Variants in OXR1 observed in about 807,000 individuals in gnomAD.
OXR1 encodes the protein oxidation resistance protein 1.
A neutral mutation model predicts 104.6 loss-of-function variants in OXR1; 41 were observed. The ratio of observed to expected loss-of-function variants is 0.39; its 90% CI spans 0.31 to 0.51. The LOEUF (loss-of-function observed/expected upper bound fraction) is 0.51, where lower values mean the gene tolerates loss of function less well. Among genes scored for constraint, OXR1 ranks in the 20% least tolerant of loss-of-function variants. The pLI is 0.77. For synonymous variants in OXR1, 348 were observed against 348.4 expected, an observed-to-expected ratio of 1.00 and a Z score of 0.01; for missense variants, 955 against 1,031.9, an observed-to-expected ratio of 0.93 and a Z score of 1.02.
intron 3 of OXR1, among the ~76,000 whole-genome samples, chr8:106,607,513 C>CA (rs1820490848): frequency 6.6e-6 from 1 of 152,216 alleles, no homozygotes; most frequent in Non-Finnish European, 1.5e-5. Context: ...GGACTACAGG[C>CA]AAAGCCTCAG....
At chr8:106,742,368 C>A in intron 15 of OXR1, 51 bp downstream of exon 15, 1 of 996,508 alleles carries the variant, frequency 1.0e-6, no homozygotes, top group Non-Finnish European at 1.6e-6. Context: ...ACATAACATA[C>A]TGCCCAAAGC....
intron 3 of OXR1, among the ~76,000 whole-genome samples, chr8:106,614,262 T>C (rs917965471): frequency 2.6e-5 from 4 of 152,238 alleles, no homozygotes; most frequent in Non-Finnish European, 5.9e-5. Context: ...GTTCTAATTA[T>C]ATTCTCAAGC....
intron 2 of OXR1, among the ~76,000 whole-genome samples, chr8:106,379,299 C>A (rs543841007): frequency 6.6e-6 from 1 of 152,014 alleles, no homozygotes. Context: ...GGTGTGAGTG[C>A]CAAAAATAAT....
chr8:106,282,716 T>C (rs1248055892), intron 1 of OXR1, among the ~76,000 whole-genome samples: 1 of 151,990 alleles, frequency 6.6e-6, no homozygotes, highest in Admixed American at 6.6e-5. Flanking sequence ...TCACACAGAG[T>C]AGGCTGAGAA....
chr8:106,484,462 T>C (rs911162224), intron 2 of OXR1, among the ~76,000 whole-genome samples: 1 of 151,958 alleles, frequency 6.6e-6, no homozygotes, highest in Non-Finnish European at 1.5e-5. Flanking sequence ...TAAAATCTTT[T>C]AAGAAAGCAA....
At chr8:106,339,518 AAATATATAT>A (rs1445691466) in intron 1 of OXR1, among the ~76,000 whole-genome samples, 247 of 24,320 alleles carry the variant, frequency 0.01, 21 homozygotes, top group East Asian at 0.02. Flanking sequence ...AAAAAAAAAA[AAATATATAT>A]ATATATATAT....
chr8:106,486,255 AATAAAAT>A (rs1344436501), intron 2 of OXR1, among the ~76,000 whole-genome samples: 2 of 152,068 alleles, frequency 1.3e-5, no homozygotes, highest in Non-Finnish European at 2.9e-5. Flanking sequence ...TTTTTTAAAA[AATAAAAT>A]AAAACATTTT....
chr8:106,356,449 C>A (rs986967855), intron 1 of OXR1, among the ~76,000 whole-genome samples: 1 of 152,108 alleles, frequency 6.6e-6, no homozygotes, highest in East Asian at 1.9e-4. Context: ...CTAAATTGTA[C>A]CATGTACATT....
chr8:106,291,461 T>C (rs1030670441), intron 1 of OXR1, among the ~76,000 whole-genome samples: 1 of 152,274 alleles, frequency 6.6e-6, no homozygotes, highest in Non-Finnish European at 1.5e-5. Flanking sequence ...TGTATTAGCA[T>C]TAAATTGCAT....
Position 106,740,352 on chromosome 8 carries a change from C to T in OXR1, c.2173C>T (p.His725Tyr), listed in dbSNP as rs148779618. Residue 725 changes from histidine to tyrosine, a missense_variant, in exon 14 of 17, where the codon CAT becomes TAT. By Grantham distance (83) the His-to-Tyr change is moderately conservative. Transcript: ENST00000517566. Reference sequence around the variant, plus strand: ...ACTTTGTTTTCTAAAGCTTACCAAGCATCTTCCACCAAGAACAATTGGCTA... The same window carrying T: ...ACTTTGTTTTCTAAAGCTTACCAAGTATCTTCCACCAAGAACAATTGGCTA... The part of the protein sequence containing the change: ...LPDQIEKLTK[H>Y]LPPRTIGYPW... 2.0e-4 allele frequency: 318 copies of T among 1,608,850 alleles called. No individual in the cohort carries two copies. Among genetic ancestry groups the T allele is most frequent in the Non-Finnish European group, 2.7e-4 (315 of 1,177,916 alleles).
At chr8:106,500,544 TG>T (rs1811737829) in intron 2 of OXR1, among the ~76,000 whole-genome samples, 1 of 152,046 alleles carries the variant, frequency 6.6e-6, no homozygotes, top group Non-Finnish European at 1.5e-5. Context: ...ACAGAAATTG[TG>T]CATTCAGGGA....
chr8:106,445,660 T>G (rs114236855), intron 2 of OXR1, among the ~76,000 whole-genome samples: 2,450 of 152,314 alleles, frequency 0.016, 69 homozygotes, highest in African/African-American at 0.056. Flanking sequence ...ATACTCTAGA[T>G]GTCCACTTAA....
intron 3 of OXR1, among the ~76,000 whole-genome samples, chr8:106,625,878 G>A (rs2130866461): frequency 6.6e-6 from 1 of 151,838 alleles, no homozygotes; most frequent in African/African-American, 2.4e-5. Context: ...ACGTATATTA[G>A]ATTATATATG....
At chr8:106,617,627 C>G (rs1225794398) in intron 3 of OXR1, among the ~76,000 whole-genome samples, 1 of 152,052 alleles carries the variant, frequency 6.6e-6, no homozygotes, top group Non-Finnish European at 1.5e-5. Context: ...GTTCTGGATG[C>G]AAAACATCAA....
At chr8:106,277,827 C>T (rs371373072) in intron 1 of OXR1, among the ~76,000 whole-genome samples, 15 of 152,296 alleles carry the variant, frequency 9.8e-5, no homozygotes, top group African/African-American at 3.1e-4. Context: ...AAAGAGGAAG[C>T]TGCTGTTCCT....
chr8:106,620,989 A>T (rs1821650841), intron 3 of OXR1, among the ~76,000 whole-genome samples: 1 of 152,342 alleles, frequency 6.6e-6, no homozygotes, highest in South Asian at 2.1e-4. Flanking sequence ...ATTCATTCCA[A>T]ATTAGAAAGT....
At chr8:106,640,284 A>G (rs1406644016) in intron 3 of OXR1, among the ~76,000 whole-genome samples, 2 of 151,660 alleles carry the variant, frequency 1.3e-5, no homozygotes, top group Non-Finnish European at 1.5e-5. Context: ...ATATACAAAT[A>G]TATACATTTG....
At chr8:106,313,082 A>AT (rs1004173559) in intron 1 of OXR1, among the ~76,000 whole-genome samples, 2 of 152,004 alleles carry the variant, frequency 1.3e-5, no homozygotes, top group Non-Finnish European at 2.9e-5. Flanking sequence ...GAGCATCTTT[A>AT]TTTTTTTCTC....
intron 2 of OXR1, 121 bp from the exon 3 acceptor site, chr8:106,518,822 G>A: frequency 1.6e-6 from 1 of 607,690 alleles, no homozygotes; most frequent in East Asian, 2.9e-5. Flanking sequence ...TATCATTTCT[G>A]AATAGATGTG....
Sources: gnomAD v4.1 joint callset for allele counts (sites outside exome capture counted in the v4.1 genomes callset) on GRCh38, gnomAD v4.1.1 for gene constraint, MANE v1.5 for transcripts, NCBI Gene and HGNC (gene_info 2026-07-23, HGNC 2026-07-21) for gene names.